PAG1: variants seen among roughly 807,000 people sequenced by gnomAD.
The protein encoded by PAG1 is phosphoprotein associated with glycosphingolipid-enriched microdomains 1.
A neutral mutation model predicts 31.7 loss-of-function variants in PAG1; 23 were observed. The observed-to-expected ratio is 0.73, with a 90% CI of 0.52 to 1.03. PAG1 has a LOEUF of 1.03. Among genes scored for constraint, PAG1 ranks in the 50% least tolerant of loss-of-function variants. The pLI, the probability that PAG1 is intolerant of heterozygous loss-of-function variation, is 0.00. For synonymous variants in PAG1, 214 were observed against 210.3 expected (o/e 1.02, Z -0.15); for missense variants, 473 against 540.7 (o/e 0.87, Z 1.24).
intron 2 of PAG1, among the ~76,000 whole-genome samples, chr8:81,060,651 A>C (rs1393211318): frequency 2.0e-5 from 3 of 152,224 alleles, no homozygotes; most frequent in African/African-American, 4.8e-5. Context: ...TTGCTCTGTT[A>C]ATGGCCAGAA....
At chr8:81,054,445 C>T (rs370782628) in intron 2 of PAG1, among the ~76,000 whole-genome samples, 175 of 152,210 alleles carry the variant, frequency 1.1e-3, no homozygotes, top group African/African-American at 3.9e-3. Flanking sequence ...GAGTCCAAGG[C>T]GGGCGGATCA....
At chr8:81,034,581 C>T (rs955840862) in intron 2 of PAG1, among the ~76,000 whole-genome samples, 43 of 152,194 alleles carry the variant, frequency 2.8e-4, no homozygotes, top group African/African-American at 9.9e-4. Context: ...TCCTCCATCC[C>T]AAGGAATCCC....
intron 3 of PAG1, among the ~76,000 whole-genome samples, chr8:81,010,611 T>G (rs1466549985): frequency 6.6e-6 from 1 of 152,242 alleles, no homozygotes; most frequent in Admixed American, 6.5e-5. Context: ...TGATCCATAA[T>G]TCTTAGAAAG....
Position 80,993,188 on chromosome 8 carries a change from G to C in PAG1, c.40C>G (p.Gln14Glu). The change falls in exon 4 of 9, where the codon CAG becomes GAG. Residue 14 changes from glutamine (Q) to glutamate (E), a missense_variant. By Grantham distance (29) the Gln-to-Glu change is conservative. Coordinates refer to ENST00000220597, the MANE Select transcript of PAG1 (RefSeq NM_018440.4). ...GCCAGACTTCCCCACAGGGTGATCT[G>C]CATCTGTCCGCTGCCCAGCAGGCTC... is the stretch of plus-strand genomic sequence containing the variant. The part of the protein sequence containing the change: ...AGSLLGSGQM[Q>E]ITLWGSLAAV... The C allele has an allele frequency of 6.2e-7, 1 of 1,613,024 alleles. No individual in the cohort carries two copies. Among genetic ancestry groups the C allele is most frequent in the Non-Finnish European group, 8.5e-7 (1 of 1,179,670 alleles).
chr8:81,026,992 TATC>T (rs1197785807), intron 3 of PAG1, among the ~76,000 whole-genome samples: 1 of 152,202 alleles, frequency 6.6e-6, no homozygotes, highest in African/African-American at 2.4e-5. Flanking sequence ...TACTTCAAAA[TATC>T]ATCATATAAA....
intron 3 of PAG1, among the ~76,000 whole-genome samples, chr8:81,001,691 G>A (rs757394916): frequency 1.3e-5 from 2 of 152,122 alleles, no homozygotes; most frequent in African/African-American, 2.4e-5. Context: ...ATTTTATTTC[G>A]TCCTCATGAC....
chr8:81,106,336 G>A lies in PAG1; in HGVS notation c.-234+5255C>T, dbSNP rs1405740202. On this transcript the variant is annotated intron_variant, in intron 1 of 8. Transcript: ENST00000220597. ...GCTCAGATTACAGGCGTGAGTCACC[G>A]CACCAGGCCTAGTGAGCAATTTTAA... Among the ~76,000 whole-genome samples the A allele has an allele frequency of 2.6e-5, 4 of 151,796 alleles. No homozygotes were observed. In the East Asian group the frequency reaches 5.8e-4, roughly 22 times the overall value.
chr8:80,982,369 C>A (rs9650270), intron 7 of PAG1, among the ~76,000 whole-genome samples: 26,908 of 152,114 alleles, frequency 0.18, 3,113 homozygotes, highest in East Asian at 0.52. Flanking sequence ...CCCGCCACTC[C>A]TTCCTTCCTG....
chr8:80,989,058 C>T (rs1013794953), intron 5 of PAG1, among the ~76,000 whole-genome samples: 1 of 152,218 alleles, frequency 6.6e-6, no homozygotes, highest in African/African-American at 2.4e-5. Flanking sequence ...GTGATGTAAA[C>T]AGCACACAAA....
At chr8:80,977,733 AC>A (rs747411064) in intron 8 of PAG1, among the ~76,000 whole-genome samples, 14 of 152,156 alleles carry the variant, frequency 9.2e-5, no homozygotes, top group Non-Finnish European at 1.8e-4. Context: ...TTCCAAGCAC[AC>A]CCCCACAGTC....
At chr8:80,996,591 A>G (rs1244786474) in intron 3 of PAG1, among the ~76,000 whole-genome samples, 3 of 152,032 alleles carry the variant, frequency 2.0e-5, no homozygotes, top group African/African-American at 7.3e-5. Flanking sequence ...GTGTCGGTGG[A>G]CCGGCTCCTC....
Position 80,976,371 on chromosome 8 carries a change from CCT to C in PAG1, c.*171_*172del, listed in dbSNP as rs750569243. The C allele has an allele frequency of 6.1e-6, 4 of 656,240 alleles. No homozygotes were observed. The highest frequency in any genetic ancestry group is 1.8e-5 in the African/African-American group (1 of 55,058). The allele number at this position is 656,240 out of a possible 1,614,324, so 40.7% of individuals were successfully genotyped here. ...ACACTCAGGTGCAGCCTAGTCCGTA[CCT>C]CTCTGTCTCAGAAACTGAACAACTG... is the stretch of plus-strand genomic sequence containing the variant. On this transcript the variant is annotated 3_prime_UTR_variant, in exon 9 of 9. Transcript: ENST00000220597.
chr8:81,071,969 G>A (rs1044585960), intron 1 of PAG1, among the ~76,000 whole-genome samples: 2 of 152,096 alleles, frequency 1.3e-5, no homozygotes, highest in Non-Finnish European at 2.9e-5. Flanking sequence ...TGAGTCCTCC[G>A]TGCTTCTGCC....
intron 2 of PAG1, among the ~76,000 whole-genome samples, chr8:81,046,576 T>C (rs893114568): frequency 6.6e-6 from 1 of 152,224 alleles, no homozygotes; most frequent in African/African-American, 2.4e-5. Context: ...TAACATTGTT[T>C]TTGGGCAAAC....
At chr8:81,019,442 C>G (rs1563631587) in intron 3 of PAG1, among the ~76,000 whole-genome samples, 1 of 152,246 alleles carries the variant, frequency 6.6e-6, no homozygotes, top group African/African-American at 2.4e-5. Flanking sequence ...CAGGGCCCCC[C>G]TGTTCTGTGC....
intron 2 of PAG1, among the ~76,000 whole-genome samples, chr8:81,060,277 C>T (rs1037371969): frequency 9.9e-5 from 15 of 152,114 alleles, no homozygotes; most frequent in Admixed American, 2.0e-4. Context: ...AATAAATACC[C>T]TGAGCTAAGG....
intron 1 of PAG1, among the ~76,000 whole-genome samples, chr8:81,088,056 C>T (rs4739783): frequency 0.54 from 82,502 of 151,712 alleles, 22,595 homozygotes; most frequent in East Asian, 0.66. Flanking sequence ...TCATTTTTTT[C>T]CCCAAAAATA....
intron 1 of PAG1, among the ~76,000 whole-genome samples, chr8:81,092,419 A>G (rs1271390058): frequency 6.6e-6 from 1 of 152,154 alleles, no homozygotes; most frequent in African/African-American, 2.4e-5. Context: ...TTAAAATGAC[A>G]ATATCATTTC....
intron 3 of PAG1, among the ~76,000 whole-genome samples, chr8:81,028,709 G>A (rs1231581227): frequency 6.6e-6 from 1 of 152,204 alleles, no homozygotes; most frequent in Non-Finnish European, 1.5e-5. Flanking sequence ...CTGCTGCTTA[G>A]AATTTTGAGA....
Sources: allele counts gnomAD v4.1 joint callset (sites outside exome capture counted in the v4.1 genomes callset), GRCh38; gene constraint gnomAD v4.1.1; transcripts MANE v1.5; gene names NCBI Gene and HGNC (gene_info 2026-07-23, HGNC 2026-07-21).